RHPN2: variants seen among roughly 807,000 people sequenced by gnomAD.
RHPN2 encodes the protein rhophilin Rho GTPase binding protein 2, also known as rhophilin-2.
In RHPN2, 40 loss-of-function variants were observed where a neutral mutation model predicts 79.0. That is an observed-to-expected ratio of 0.51 (90% CI 0.39 to 0.66). The LOEUF is 0.66. Ranked by LOEUF, RHPN2 falls within the 30% of genes least tolerant of loss-of-function variation. The probability of loss-of-function intolerance (pLI) is 0.00; values close to 1 mark genes in which losing one functional copy is unlikely to be tolerated. For synonymous variants in RHPN2, 285 were observed against 363.5 expected (o/e 0.78, Z 2.46); for missense variants, 686 against 883.5 (o/e 0.78, Z 2.83).
At chr19:33,035,579 C>T (rs1944910344) in intron 2 of RHPN2, among the ~76,000 whole-genome samples, 1 of 152,136 alleles carries the variant, frequency 6.6e-6, no homozygotes, top group Admixed American at 6.6e-5. Flanking sequence ...GTCTGAGCTT[C>T]GTTGCTAGCA....
At chr19:32,990,919 C>A in intron 13 of RHPN2, 1 of 453,956 alleles carries the variant, frequency 2.2e-6, no homozygotes, top group Non-Finnish European at 4.1e-6. Flanking sequence ...GTCCTAGCTA[C>A]TTGGGAGGCT....
At chr19:32,984,513 G>A (rs1281875374) in intron 14 of RHPN2, among the ~76,000 whole-genome samples, 1 of 151,984 alleles carries the variant, frequency 6.6e-6, no homozygotes. Context: ...ACAAAAATTA[G>A]CCAGACATCG....
chr19:33,016,533 T>C (rs1971879168), intron 4 of RHPN2, among the ~76,000 whole-genome samples: 1 of 151,932 alleles, frequency 6.6e-6, no homozygotes, highest in African/African-American at 2.4e-5. Context: ...ATATAAAAAT[T>C]AGCTGGGTGT....
At chr19:33,028,300 G>C (rs1159720793) in intron 2 of RHPN2, among the ~76,000 whole-genome samples, 1 of 151,994 alleles carries the variant, frequency 6.6e-6, no homozygotes, top group Non-Finnish European at 1.5e-5. Context: ...GGGACTACAA[G>C]TGCACACCAC....
intron 2 of RHPN2, among the ~76,000 whole-genome samples, chr19:33,035,134 T>G (rs1360663835): frequency 6.6e-6 from 1 of 151,416 alleles, no homozygotes; most frequent in Non-Finnish European, 1.5e-5. Context: ...CCCAGCTAAT[T>G]TTTTGTATTT....
intron 1 of RHPN2, among the ~76,000 whole-genome samples, chr19:33,055,162 C>A (rs1972221711): frequency 6.6e-6 from 1 of 152,040 alleles, no homozygotes; most frequent in African/African-American, 2.4e-5. Flanking sequence ...CCAGCCTAGG[C>A]AACACAGTAA....
At chr19:33,025,185 C>T (rs142777832) in intron 3 of RHPN2, among the ~76,000 whole-genome samples, 2,225 of 151,910 alleles carry the variant, frequency 0.015, 35 homozygotes, top group Middle Eastern at 0.024. Context: ...TCAAAATTGA[C>T]CTAGGGGCCA....
intron 2 of RHPN2, among the ~76,000 whole-genome samples, chr19:33,040,298 G>A (rs1034618708): frequency 2.9e-5 from 4 of 140,286 alleles, no homozygotes; most frequent in Admixed American, 1.5e-4. Context: ...GTGCAGTAGC[G>A]CGATCTCAGC....
At chr19:33,023,884 C>A (rs1474046326) in intron 3 of RHPN2, among the ~76,000 whole-genome samples, 2 of 152,104 alleles carry the variant, frequency 1.3e-5, no homozygotes. Flanking sequence ...CCCAATGACA[C>A]AGGGCAGTGA....
rs570364868 is a variant in RHPN2, at chr19:33,029,457, C to T, written c.186-2825G>A. Among the ~76,000 whole-genome samples the T allele has an allele frequency of 1.6e-3, 235 of 145,072 alleles. 1 individual carries two copies. The Middle Eastern group carries it at 0.018, about 11-fold the overall frequency. On this transcript the variant is annotated intron_variant, in intron 2 of 14. Transcript: ENST00000254260. ...AGGAGAATGGCGTGAACCCAGGAGGCGGAGCTTGCAGTGAGCTGAGATAGC... is the reference window on the plus strand; with the variant it reads ...AGGAGAATGGCGTGAACCCAGGAGGTGGAGCTTGCAGTGAGCTGAGATAGC...
chr19:32,980,207 A>G lies in RHPN2; in HGVS notation c.1850T>C (p.Met617Thr), dbSNP rs1568306964. Residue 617 changes from methionine (M) to threonine (T), a missense_variant, in exon 15 of 15, where the codon ATG (methionine) becomes ACG (threonine). Coordinates refer to ENST00000254260, the MANE Select transcript of RHPN2 (RefSeq NM_033103.5). ...YSVGMQKTYS[M>T]ICLAIDDDDK... ...GTCATCATCAATGGCTAAGCAGATC[A>G]TGGAGTACGTTTTCTGCATTCCCAC... The G allele has an allele frequency of 1.9e-6, 3 of 1,613,814 alleles. No individual in the cohort carries two copies. The highest frequency in any genetic ancestry group is 2.7e-5 in the African/African-American group (2 of 74,914).
At chr19:33,052,142 G>A (rs1191644515) in intron 1 of RHPN2, among the ~76,000 whole-genome samples, 1 of 152,124 alleles carries the variant, frequency 6.6e-6, no homozygotes, top group African/African-American at 2.4e-5. Flanking sequence ...CTGGAGGCAG[G>A]CACTTAATTA....
intron 7 of RHPN2, among the ~76,000 whole-genome samples, chr19:33,005,042 G>A (rs1971779017): frequency 6.6e-6 from 1 of 151,490 alleles, no homozygotes; most frequent in Non-Finnish European, 1.5e-5. Flanking sequence ...GAAGGACTAA[G>A]GGGCTCACAG....
chr19:33,016,855 C>T lies in RHPN2; in HGVS notation c.391-4131G>A, dbSNP rs536319000. 2.6e-5 allele frequency among the ~76,000 whole-genome samples: 4 copies of T among 152,296 alleles called. No homozygotes were observed. In the South Asian group the frequency reaches 6.2e-4, roughly 24 times the overall value. Reference sequence around the variant, plus strand: ...TATCAAATATGGAAGGGAAAAAATACAACAGAAAGTCCGTCAAACGTTCTC... The same window carrying T: ...TATCAAATATGGAAGGGAAAAAATATAACAGAAAGTCCGTCAAACGTTCTC... On this transcript the variant is annotated intron_variant, in intron 4 of 14. Coordinates refer to ENST00000254260, the MANE Select transcript of RHPN2 (RefSeq NM_033103.5).
At chr19:32,980,828 TTTTG>T (rs1426373110) in intron 14 of RHPN2, among the ~76,000 whole-genome samples, 3 of 151,768 alleles carry the variant, frequency 2.0e-5, no homozygotes, top group Admixed American at 6.6e-5. Flanking sequence ...AAGGATAATT[TTTTG>T]TTTGTTTTTT....
At chr19:33,009,079 G>A (rs1180309784) in intron 6 of RHPN2, among the ~76,000 whole-genome samples, 1 of 147,836 alleles carries the variant, frequency 6.8e-6, no homozygotes, top group Non-Finnish European at 1.5e-5. Context: ...GGAGACAGAA[G>A]AAAGATCAGG....
At chr19:33,063,172 G>A (rs1443929057) in intron 1 of RHPN2, among the ~76,000 whole-genome samples, 3 of 152,184 alleles carry the variant, frequency 2.0e-5, no homozygotes, top group Admixed American at 2.0e-4. Flanking sequence ...CAATTCCATG[G>A]CCTGTGATCC....
chr19:32,984,222 C>T (rs1346454250), intron 14 of RHPN2, among the ~76,000 whole-genome samples: 1 of 152,204 alleles, frequency 6.6e-6, no homozygotes, highest in Non-Finnish European at 1.5e-5. Context: ...GTCATCAGTT[C>T]AGCCAGAGTG....
rs77174323 is a variant in RHPN2 at position 33,013,868 on chromosome 19, T to C, written c.391-1144A>G. ...AGGCATTTTATTTTATTTTACTTTA[T>C]TTTATTTTATTTTATTTTATCTTTG... On this transcript the variant is annotated intron_variant, in intron 4 of 14. Transcript: ENST00000254260. 2.2e-4 allele frequency among the ~76,000 whole-genome samples: 13 copies of C among 58,002 alleles called. No individual in the cohort carries two copies. In the East Asian group the frequency reaches 0.018, roughly 82 times the overall value. The allele number at this position is 58,002 out of a possible 152,430, so 38.1% of individuals were successfully genotyped here.
Sources: allele counts gnomAD v4.1 joint callset (sites outside exome capture counted in the v4.1 genomes callset), GRCh38; gene constraint gnomAD v4.1.1; transcripts MANE v1.5; gene names NCBI Gene and HGNC (gene_info 2026-07-23, HGNC 2026-07-21).